Variants in PALLD observed in about 807,000 individuals in gnomAD.
PALLD encodes palladin.
In PALLD, 61 loss-of-function variants were observed where a neutral mutation model predicts 123.5. That is an observed-to-expected ratio of 0.49 (90% CI 0.40 to 0.61). The LOEUF (loss-of-function observed/expected upper bound fraction) is 0.61. Ranked by LOEUF, PALLD falls within the 20% of genes least tolerant of loss-of-function variation. The probability of loss-of-function intolerance (pLI) is 0.00; values close to 1 mark genes in which losing one functional copy is unlikely to be tolerated. For missense variants in PALLD, 1,273 were observed against 1,377.0 expected (o/e 0.92, Z 1.20); for synonymous variants, 465 against 496.4 (o/e 0.94, Z 0.84).
intron 10 of PALLD, among the ~76,000 whole-genome samples, chr4:168,817,123 T>G (rs891455592): frequency 6.6e-6 from 1 of 152,192 alleles, no homozygotes; most frequent in African/African-American, 2.4e-5. Context: ...CTCTGGTCTT[T>G]CAGCTGGAGT....
At chr4:168,872,122 A>G (rs539730813) in intron 10 of PALLD, among the ~76,000 whole-genome samples, 25 of 152,218 alleles carry the variant, frequency 1.6e-4, no homozygotes, top group Non-Finnish European at 7.4e-5. Flanking sequence ...GATATTCCAG[A>G]GAAGTTCCCA....
chr4:168,917,469 T>C (rs1245475165), intron 17 of PALLD, among the ~76,000 whole-genome samples: 1 of 152,200 alleles, frequency 6.6e-6, no homozygotes, highest in African/African-American at 2.4e-5. Context: ...CAAAGGAGTT[T>C]AGGGAAAAAA....
intron 10 of PALLD, among the ~76,000 whole-genome samples, chr4:168,799,947 T>A (rs576357762): frequency 6.6e-6 from 1 of 152,156 alleles, no homozygotes; most frequent in Non-Finnish European, 1.5e-5. Context: ...TAAGAGATGA[T>A]TTTTACATGA....
At chr4:168,862,916 G>C (rs115164319) in intron 10 of PALLD, among the ~76,000 whole-genome samples, 16 of 152,160 alleles carry the variant, frequency 1.1e-4, no homozygotes, top group Non-Finnish European at 2.4e-4. Flanking sequence ...ATAGAAGGTC[G>C]TCAAATTGCC....
At position 168,924,931 on chromosome 4, in the gene PALLD, A is replaced by C. The variant is rs1447999815; in HGVS notation, c.3225-14A>C. The C allele has an allele frequency of 6.2e-7, 1 of 1,613,934 alleles. No individual in the cohort carries two copies. ...AAAAATTTAGAACCCTAATGACTTT[A>C]TCCTTTTCTCCAGCATGCACCAGGA... On this transcript the variant is annotated splice_polypyrimidine_tract_variant and intron_variant, in intron 19 of 21. Coordinates refer to ENST00000505667, the MANE Select transcript of PALLD (RefSeq NM_001166108.2).
intron 2 of PALLD, among the ~76,000 whole-genome samples, chr4:168,554,355 C>T (rs913979015): frequency 6.6e-6 from 1 of 152,180 alleles, no homozygotes; most frequent in South Asian, 2.1e-4. Context: ...TTCTCTCTTA[C>T]TCTTCAGACC....
intron 10 of PALLD, among the ~76,000 whole-genome samples, chr4:168,788,126 C>A (rs1310506199): frequency 6.6e-6 from 1 of 152,084 alleles, no homozygotes; most frequent in African/African-American, 2.4e-5. Flanking sequence ...TTGCTCACTC[C>A]CATAGATAGA....
chr4:168,608,456 A>G (rs1004125395), intron 2 of PALLD, among the ~76,000 whole-genome samples: 1 of 152,210 alleles, frequency 6.6e-6, no homozygotes, highest in African/African-American at 2.4e-5. Context: ...ATCACTTCCC[A>G]AAGAAACATG....
chr4:168,839,102 G>A lies in PALLD; in HGVS notation c.1965-51820G>A, dbSNP rs575058030. On this transcript the variant is annotated intron_variant, in intron 10 of 21. Coordinates refer to ENST00000505667, the MANE Select transcript of PALLD (RefSeq NM_001166108.2). ...CAAATAGCTGGGACTACAGGCATGC[G>A]CCACCACGCCCAGCTAATTTTTTGT... is the stretch of plus-strand genomic sequence containing the variant. Among the ~76,000 whole-genome samples, 10 of 152,138 alleles carry A rather than the reference G, an allele frequency of 6.6e-5. No individual in the cohort carries two copies. In the East Asian group the frequency reaches 9.7e-4, roughly 15 times the overall value.
intron 10 of PALLD, among the ~76,000 whole-genome samples, chr4:168,836,427 A>AT (rs1403880579): frequency 6.6e-6 from 1 of 152,178 alleles, no homozygotes; most frequent in African/African-American, 2.4e-5. Flanking sequence ...AAAGCTTTGT[A>AT]TTTTTTTCAT....
chr4:168,506,682 C>A (rs1192299991), intron 1 of PALLD, among the ~76,000 whole-genome samples: 1 of 152,156 alleles, frequency 6.6e-6, no homozygotes, highest in Non-Finnish European at 1.5e-5. Context: ...TTTTGTTCAA[C>A]TACTACCTTC....
chr4:168,626,841 A>C (rs1349673089), intron 2 of PALLD, among the ~76,000 whole-genome samples: 1 of 152,208 alleles, frequency 6.6e-6, no homozygotes, highest in Non-Finnish European at 1.5e-5. Flanking sequence ...TGCCAAATGA[A>C]ATAAGTCAGT....
At chr4:168,718,101 G>GT (rs1196225305) in intron 10 of PALLD, among the ~76,000 whole-genome samples, 3 of 152,184 alleles carry the variant, frequency 2.0e-5, no homozygotes, top group Non-Finnish European at 4.4e-5. Flanking sequence ...TTCCTGTCCT[G>GT]TTTATGTTGG....
chr4:168,503,507 C>A, intron 1 of PALLD, among the ~76,000 whole-genome samples: 1 of 151,908 alleles, frequency 6.6e-6, no homozygotes, highest in South Asian at 2.1e-4. Flanking sequence ...ATTAGCCGGG[C>A]ATGGTGGTGG....
intron 4 of PALLD, 117 bp downstream of exon 4, chr4:168,681,515 G>T (rs1445498544): frequency 5.0e-5 from 31 of 620,480 alleles, no homozygotes; most frequent in Non-Finnish European, 6.6e-5. Flanking sequence ...GTTAATCAGA[G>T]ATCAAATACT....
At chr4:168,839,509 T>C (rs1027692834) in intron 10 of PALLD, among the ~76,000 whole-genome samples, 1 of 148,936 alleles carries the variant, frequency 6.7e-6, no homozygotes, top group African/African-American at 2.5e-5. Flanking sequence ...AAGGAACTGA[T>C]GAAGCAGGTG....
intron 2 of PALLD, among the ~76,000 whole-genome samples, chr4:168,640,265 C>CT (rs1776809851): frequency 1.3e-5 from 2 of 152,180 alleles, no homozygotes; most frequent in South Asian, 4.1e-4. Flanking sequence ...TCCGATTGAG[C>CT]TTTTTTCCCT....
At chr4:168,872,398 A>G (rs886797211) in intron 10 of PALLD, among the ~76,000 whole-genome samples, 2 of 152,250 alleles carry the variant, frequency 1.3e-5, no homozygotes, top group African/African-American at 2.4e-5. Flanking sequence ...TTGGAAAGTC[A>G]GCACAATTTA....
intron 10 of PALLD, among the ~76,000 whole-genome samples, chr4:168,729,962 C>T (rs1164226167): frequency 6.6e-6 from 1 of 152,180 alleles, no homozygotes; most frequent in Admixed American, 6.5e-5. Flanking sequence ...ATATGACTGA[C>T]TTTCATTGTA....
Sources: allele counts gnomAD v4.1 joint callset (sites outside exome capture counted in the v4.1 genomes callset), GRCh38; gene constraint gnomAD v4.1.1; transcripts MANE v1.5; gene names NCBI Gene and HGNC (gene_info 2026-07-23, HGNC 2026-07-21).